Variants in RANBP17 observed in about 807,000 individuals in gnomAD.
RANBP17 encodes the protein ran-binding protein 17.
In RANBP17, 158 loss-of-function variants were observed where a neutral mutation model predicts 141.2. That is an observed-to-expected ratio of 1.12 (90% CI 0.98 to 1.28). The LOEUF (loss-of-function observed/expected upper bound fraction) is 1.28, where lower values mean the gene tolerates loss of function less well. RANBP17 is among the 50% of genes most tolerant of loss of function. The pLI is 0.00. For synonymous variants in RANBP17, 430 were observed against 450.0 expected (o/e 0.96, Z 0.56); for missense variants, 1,438 against 1,290.7 (o/e 1.11, Z -1.75).
intron 14 of RANBP17, among the ~76,000 whole-genome samples, chr5:171,004,633 C>T (rs1012808821): frequency 5.9e-5 from 9 of 152,118 alleles, no homozygotes; most frequent in Non-Finnish European, 1.2e-4. Flanking sequence ...GCTTCCAAGG[C>T]GATGGGCAGC....
intron 14 of RANBP17, among the ~76,000 whole-genome samples, chr5:171,006,600 G>T (rs947579837): frequency 2.6e-5 from 4 of 152,112 alleles, no homozygotes; most frequent in Non-Finnish European, 5.9e-5. Flanking sequence ...CTATTGTGGG[G>T]TGGGGGAAGC....
chr5:171,241,487 G>C (rs1764875760), intron 23 of RANBP17, among the ~76,000 whole-genome samples: 1 of 152,094 alleles, frequency 6.6e-6, no homozygotes, highest in Non-Finnish European at 1.5e-5. Context: ...ACCTGTGTAA[G>C]AAATGCTTCT....
intron 14 of RANBP17, among the ~76,000 whole-genome samples, chr5:171,127,824 A>G (rs1331344537): frequency 3.3e-5 from 5 of 152,222 alleles, no homozygotes; most frequent in Admixed American, 6.5e-5. Flanking sequence ...AAATAGAACT[A>G]CCATGTGATT....
intron 14 of RANBP17, among the ~76,000 whole-genome samples, chr5:170,981,845 G>A (rs1364810145): frequency 6.6e-6 from 1 of 152,138 alleles, no homozygotes; most frequent in Non-Finnish European, 1.5e-5. Flanking sequence ...TAGTAGTTAG[G>A]TGATTTGCAC....
In RANBP17 at chr5:171,034,861, G is replaced by C. The variant is rs369083305; in HGVS notation, c.1710+66484G>C. ...AGACAAGGTCTCACTCTGTTTCCCA[G>C]GCTGGAGTGCAGTGTTGCCATCATG... is the stretch of plus-strand genomic sequence containing the variant. On this transcript the variant is annotated intron_variant, in intron 14 of 27. Transcript: ENST00000523189. 4.1e-4 allele frequency among the ~76,000 whole-genome samples: 62 copies of C among 152,142 alleles called. 1 individual carries two copies. The South Asian group carries it at 0.012, about 31-fold the overall frequency.
chr5:171,068,837 C>T (rs912061730), intron 14 of RANBP17, among the ~76,000 whole-genome samples: 1 of 152,142 alleles, frequency 6.6e-6, no homozygotes, highest in African/African-American at 2.4e-5. Context: ...CTACTCGCCT[C>T]GGCCTCCCAA....
At chr5:170,964,582 G>A (rs562099352) in intron 13 of RANBP17, among the ~76,000 whole-genome samples, 1 of 152,082 alleles carries the variant, frequency 6.6e-6, no homozygotes, top group South Asian at 2.1e-4. Context: ...AGAGTGTGAT[G>A]TTCCCCTTCC....
intron 14 of RANBP17, among the ~76,000 whole-genome samples, chr5:171,153,783 C>T (rs1217292102): frequency 2.6e-5 from 4 of 152,200 alleles, no homozygotes; most frequent in Non-Finnish European, 5.9e-5. Flanking sequence ...TGCAGTGGCT[C>T]ATGCCTGTAA....
chr5:171,247,590 T>G (rs967923559), intron 24 of RANBP17, among the ~76,000 whole-genome samples: 2 of 152,212 alleles, frequency 1.3e-5, no homozygotes, highest in Non-Finnish European at 2.9e-5. Flanking sequence ...ATTTCATTCA[T>G]TAGCATTTTT....
Position 170,911,133 on chromosome 5 carries a change from A to G in RANBP17, c.759A>G (p.Thr253=), listed in dbSNP as rs764877796. Residue 253 remains threonine, a splice_region_variant and synonymous_variant, in exon 7 of 28, where the codon ACA becomes ACG. Transcript: ENST00000523189. ...CTVQIPTTWR[T]IFLEPETLDL... is the part of the protein sequence containing the mutation. The stretch of plus-strand genomic sequence containing the variant: ...TGCAGATTCCAACAACTTGGAGAAC[A>G]AGTAAGAAAAAACTTTGGTATGAAG... 8 of 1,611,014 alleles carry G rather than the reference A, an allele frequency of 5.0e-6. No homozygotes were observed. Among genetic ancestry groups the G allele is most frequent in the Non-Finnish European group, 5.9e-6 (7 of 1,178,106 alleles).
chr5:171,163,334 G>A (rs1213833166), intron 14 of RANBP17, among the ~76,000 whole-genome samples: 1 of 152,192 alleles, frequency 6.6e-6, no homozygotes, highest in Non-Finnish European at 1.5e-5. Flanking sequence ...ATGGTGATAA[G>A]TTAATTGTGA....
chr5:171,026,810 A>G (rs965179723), intron 14 of RANBP17, among the ~76,000 whole-genome samples: 4 of 152,186 alleles, frequency 2.6e-5, no homozygotes, highest in African/African-American at 7.2e-5. Flanking sequence ...GGAATGCTTC[A>G]TATTTTCTGT....
chr5:170,995,880 C>T (rs1037169870), intron 14 of RANBP17, among the ~76,000 whole-genome samples: 2 of 152,072 alleles, frequency 1.3e-5, no homozygotes, highest in Admixed American at 6.6e-5. Flanking sequence ...AATGTTAATG[C>T]TGTTCACAGT....
intron 24 of RANBP17, among the ~76,000 whole-genome samples, chr5:171,257,110 G>A (rs778319563): frequency 6.6e-6 from 1 of 152,016 alleles, no homozygotes; most frequent in Non-Finnish European, 1.5e-5. Context: ...ATCAGACAAG[G>A]ACACAACAAA....
intron 14 of RANBP17, among the ~76,000 whole-genome samples, chr5:171,024,932 A>C (rs1205649909): frequency 2.6e-5 from 4 of 152,278 alleles, no homozygotes; most frequent in African/African-American, 4.8e-5. Context: ...TCTACATGAC[A>C]TTCATCAATC....
intron 1 of RANBP17, among the ~76,000 whole-genome samples, chr5:170,863,910 TA>T (rs1767026001): frequency 6.6e-6 from 1 of 152,166 alleles, no homozygotes; most frequent in Admixed American, 6.5e-5. Context: ...GTTGGACAAA[TA>T]AAAGATCAGA....
chr5:171,117,642 C>A (rs189834258), intron 14 of RANBP17, among the ~76,000 whole-genome samples: 2 of 151,818 alleles, frequency 1.3e-5, no homozygotes, highest in South Asian at 2.1e-4. Context: ...TACAGATGCA[C>A]GCCATGACGT....
At chr5:171,113,430 C>G (rs1755390031) in intron 14 of RANBP17, among the ~76,000 whole-genome samples, 1 of 152,138 alleles carries the variant, frequency 6.6e-6, no homozygotes, top group Non-Finnish European at 1.5e-5. Flanking sequence ...AGACATGGAA[C>G]AGACATGCTC....
chr5:170,916,688 A>T (rs1772002193), intron 9 of RANBP17, 104 bp downstream of exon 9: 2 of 738,582 alleles, frequency 2.7e-6, no homozygotes, highest in Admixed American at 3.0e-5. Flanking sequence ...GGAAGAAAAC[A>T]TTTAGTATCA....
Sources: gnomAD v4.1 joint callset for allele counts (sites outside exome capture counted in the v4.1 genomes callset) on GRCh38, gnomAD v4.1.1 for gene constraint, MANE v1.5 for transcripts, NCBI Gene and HGNC (gene_info 2026-07-23, HGNC 2026-07-21) for gene names.